The following PCDHA5 variants were observed in gnomAD, a reference collection of about 807,000 sequenced individuals.
PCDHA5 encodes protocadherin alpha 5.
PCDHA5 carries 43 observed loss-of-function variants against 61.6 expected under a neutral mutation model. The observed-to-expected ratio is 0.70, with a 90% CI of 0.55 to 0.90. PCDHA5 has a LOEUF of 0.90. Among genes scored for constraint, PCDHA5 ranks in the 40% least tolerant of loss-of-function variants. PCDHA5 has a pLI of 0.00. For synonymous variants in PCDHA5, 627 were observed against 543.9 expected, an observed-to-expected ratio of 1.15 and a Z score of -2.13; for missense variants, 1,298 against 1,222.7, an observed-to-expected ratio of 1.06 and a Z score of -0.92.
At chr5:140,841,155 C>A in intron 1 of PCDHA5, 1 of 842,000 alleles carries the variant, frequency 1.2e-6, no homozygotes, top group Non-Finnish European at 1.8e-6. Flanking sequence ...TCGCTGTCTA[C>A]CAAGAAGTTC....
chr5:140,971,115 G>A (rs1409733667), intron 1 of PCDHA5, among the ~76,000 whole-genome samples: 1 of 152,146 alleles, frequency 6.6e-6, no homozygotes, highest in Non-Finnish European at 1.5e-5. Flanking sequence ...GGATTGGGGT[G>A]GGCTACAGGT....
chr5:140,970,096 T>C (rs2096383552), intron 1 of PCDHA5, among the ~76,000 whole-genome samples: 1 of 152,066 alleles, frequency 6.6e-6, no homozygotes, highest in South Asian at 2.1e-4. Flanking sequence ...GGGGGGATGG[T>C]GAAGACCAAG....
Position 140,958,548 on chromosome 5 carries a change from A to G in PCDHA5, c.2353-20401A>G, listed in dbSNP as rs185504563. The stretch of plus-strand genomic sequence containing the variant: ...TATGTGTACATTGATTTATGAACCA[A>G]TAAATGTTTCATACACAGTTGAGAT... On this transcript the variant is annotated intron_variant, in intron 1 of 3. Transcript: ENST00000529859. Among the ~76,000 whole-genome samples the G allele has an allele frequency of 5.4e-3, 828 of 152,296 alleles. 8 individuals are homozygous for G. Among genetic ancestry groups the G allele is most frequent in the South Asian group, 1.0e-2 (48 of 4,822 alleles).
At chr5:140,972,415 A>G (rs1048437043) in intron 1 of PCDHA5, among the ~76,000 whole-genome samples, 2 of 152,138 alleles carry the variant, frequency 1.3e-5, no homozygotes, top group East Asian at 3.9e-4. Flanking sequence ...AACCCTGTTA[A>G]GATCTTTTAT....
At chr5:140,831,687 G>C (rs2150196814) in intron 1 of PCDHA5, among the ~76,000 whole-genome samples, 2 of 152,012 alleles carry the variant, frequency 1.3e-5, no homozygotes, top group African/African-American at 4.8e-5. Context: ...TGAATGAAAA[G>C]CAGCAAAAAG....
In PCDHA5 at chr5:141,009,849, C is replaced by G; in HGVS notation, c.2723C>G (p.Thr908Ser). The change falls in exon 4 of 4, where the codon ACC (threonine) becomes AGC (serine). Residue 908 changes from threonine (T) to serine (S), a missense_variant. Physicochemically the swap from Thr to Ser is moderately conservative, Grantham distance 58. Coordinates refer to ENST00000529859, the MANE Select transcript of PCDHA5 (RefSeq NM_018908.3). ...ATAACCTTCGGCAAAAAGGAGGAGA[C>G]CAAGAAAAAGAAGAAAAAGAAGAAG... ...DFITFGKKEE[T>S]KKKKKKKKGN... 1 of 1,613,364 alleles carries G rather than the reference C, an allele frequency of 6.2e-7. No homozygotes were observed. The highest frequency in any genetic ancestry group is 8.5e-7 in the Non-Finnish European group (1 of 1,179,856).
chr5:140,994,911 A>C (rs527704488), intron 3 of PCDHA5, among the ~76,000 whole-genome samples: 4 of 152,222 alleles, frequency 2.6e-5, no homozygotes, highest in African/African-American at 9.6e-5. Flanking sequence ...TGTAGACTGG[A>C]ATCAGATTTT....
At chr5:140,888,161 C>G (rs1272451290) in intron 1 of PCDHA5, among the ~76,000 whole-genome samples, 1 of 152,160 alleles carries the variant, frequency 6.6e-6, no homozygotes, top group Non-Finnish European at 1.5e-5. Context: ...CTGGTAATCT[C>G]TAATAAGATG....
At chr5:140,892,998 AT>A (rs2063775886) in intron 1 of PCDHA5, among the ~76,000 whole-genome samples, 1 of 152,170 alleles carries the variant, frequency 6.6e-6, no homozygotes, top group South Asian at 2.1e-4. Context: ...GAGAACATGT[AT>A]TTATTTTTCT....
chr5:140,923,396 T>C (rs2081343835), intron 1 of PCDHA5, among the ~76,000 whole-genome samples: 1 of 152,058 alleles, frequency 6.6e-6, no homozygotes, highest in Non-Finnish European at 1.5e-5. Context: ...GGCATGGTGG[T>C]GTGTGCCTAT....
intron 1 of PCDHA5, among the ~76,000 whole-genome samples, chr5:140,910,502 G>C (rs182167004): frequency 2.6e-4 from 39 of 152,266 alleles, no homozygotes. Flanking sequence ...CAATCACAAA[G>C]CTCTTCAAGG....
chr5:140,885,556 G>A (rs1317413722), intron 1 of PCDHA5, among the ~76,000 whole-genome samples: 22 of 152,018 alleles, frequency 1.4e-4, no homozygotes, highest in African/African-American at 5.3e-4. Flanking sequence ...TTATTTCTAC[G>A]AAATTGATTG....
chr5:140,835,493 A>T (rs147393584), intron 1 of PCDHA5: 3 of 1,613,914 alleles, frequency 1.9e-6, no homozygotes, highest in African/African-American at 1.3e-5. Context: ...CCGTCATCAC[A>T]TTGATTAGCG....
At chr5:140,873,816 A>G (rs1419963733) in intron 1 of PCDHA5, among the ~76,000 whole-genome samples, 3 of 151,528 alleles carry the variant, frequency 2.0e-5, no homozygotes, top group East Asian at 3.9e-4. Context: ...ATGCACCACC[A>G]CTCCTGGCTA....
At chr5:140,924,244 C>G (rs1375839311) in intron 1 of PCDHA5, among the ~76,000 whole-genome samples, 1 of 152,152 alleles carries the variant, frequency 6.6e-6, no homozygotes, top group Non-Finnish European at 1.5e-5. Context: ...TGTTTTGCAT[C>G]CTGGTGAGAT....
chr5:140,851,644 C>A, intron 1 of PCDHA5: 1 of 913,486 alleles, frequency 1.1e-6, no homozygotes, highest in Non-Finnish European at 1.3e-6. Flanking sequence ...TTCCTTTCTT[C>A]AAGAAGACAT....
At position 140,853,409 on chromosome 5, in the gene PCDHA5, G is replaced by C. The variant is rs2042740384; in HGVS notation, c.2352+29282G>C. 1.0e-5 allele frequency: 10 copies of C among 985,968 alleles called. 2 individuals are homozygous for C. Among genetic ancestry groups the C allele is most frequent in the Non-Finnish European group, 1.2e-5 (10 of 818,342 alleles). 61.1% of individuals were successfully genotyped at this position (985,968 alleles called of 1,614,324 possible). On this transcript the variant is annotated intron_variant, in intron 1 of 3. Transcript: ENST00000529859. Reference sequence around the variant, plus strand: ...CAGCCTGTCAAGTTCAAAACAGAGAGGTGAAAGCAGAAGAGACACTTTCCT... The same window carrying C: ...CAGCCTGTCAAGTTCAAAACAGAGACGTGAAAGCAGAAGAGACACTTTCCT...
chr5:140,974,636 C>T (rs1208653634), intron 1 of PCDHA5, among the ~76,000 whole-genome samples: 2 of 152,054 alleles, frequency 1.3e-5, no homozygotes, highest in African/African-American at 4.8e-5. Flanking sequence ...CTCAACCTCC[C>T]GAGTAGCTGA....
chr5:140,836,005 G>A (rs1554135535), intron 1 of PCDHA5: 5 of 1,613,362 alleles, frequency 3.1e-6, no homozygotes, highest in Admixed American at 1.7e-5. Context: ...CGCGATGCGG[G>A]CGTGCCGCCT....
Sources: allele counts gnomAD v4.1 joint callset (sites outside exome capture counted in the v4.1 genomes callset), GRCh38; gene constraint gnomAD v4.1.1; transcripts MANE v1.5; gene names NCBI Gene and HGNC (gene_info 2026-07-23, HGNC 2026-07-21).